The following MAST4 variants were observed in gnomAD, a reference collection of about 807,000 sequenced individuals.
MAST4 encodes microtubule-associated serine/threonine-protein kinase 4.
A neutral mutation model predicts 162.7 loss-of-function variants in MAST4; 89 were observed. The ratio of observed to expected loss-of-function variants is 0.55; its 90% CI spans 0.46 to 0.65. MAST4 has a LOEUF of 0.65. Among genes scored for constraint, MAST4 ranks in the 30% least tolerant of loss-of-function variants. The pLI is 0.00. For synonymous variants in MAST4, 1,479 were observed against 1,361.1 expected (o/e 1.09, Z -1.91); for missense variants, 3,153 against 3,374.0 (o/e 0.93, Z 1.62).
At chr5:66,932,346 A>C (rs1218683536) in intron 4 of MAST4, among the ~76,000 whole-genome samples, 1 of 152,178 alleles carries the variant, frequency 6.6e-6, no homozygotes, top group Non-Finnish European at 1.5e-5. Flanking sequence ...TAAGATGGCT[A>C]TTCCATAGAA....
At chr5:66,706,657 A>T (rs1750150893) in intron 1 of MAST4, among the ~76,000 whole-genome samples, 1 of 151,414 alleles carries the variant, frequency 6.6e-6, no homozygotes, top group Non-Finnish European at 1.5e-5. Flanking sequence ...CAAACTAATG[A>T]TTCATAAACA....
intron 5 of MAST4, among the ~76,000 whole-genome samples, chr5:67,084,512 G>A (rs1244257484): frequency 1.3e-5 from 2 of 152,128 alleles, no homozygotes; most frequent in Non-Finnish European, 2.9e-5. Context: ...AATTATTAAA[G>A]TAGAAAAAAA....
At chr5:67,124,854 AC>A (rs1462023751) in intron 14 of MAST4, among the ~76,000 whole-genome samples, 1 of 152,156 alleles carries the variant, frequency 6.6e-6, no homozygotes, top group Non-Finnish European at 1.5e-5. Flanking sequence ...CCACAGAGAG[AC>A]CCAGTGAGGA....
chr5:67,083,650 A>G (rs1441265721), intron 5 of MAST4, among the ~76,000 whole-genome samples: 3 of 152,174 alleles, frequency 2.0e-5, no homozygotes, highest in African/African-American at 7.2e-5. Flanking sequence ...ATTAGGTTAC[A>G]TTCTTTAACT....
rs1409397338 is a variant in MAST4 at position 66,986,471 on chromosome 5, A to G, written c.675-67933A>G. The stretch of plus-strand genomic sequence containing the variant: ...CTGTGTGTCCAAATGCTGGGAGAAC[A>G]TCACCCCTTGGATGAATTGCCACCA... On this transcript the variant is annotated intron_variant, in intron 4 of 28. Transcript: ENST00000403625. The G allele has an allele frequency of 1.9e-6, 3 of 1,573,412 alleles. No individual in the cohort carries two copies. The South Asian group carries it at 3.5e-5, about 18-fold the overall frequency.
At chr5:66,867,530 G>A (rs1333301520) in intron 3 of MAST4, among the ~76,000 whole-genome samples, 1 of 152,192 alleles carries the variant, frequency 6.6e-6, no homozygotes, top group African/African-American at 2.4e-5. Context: ...AAAGCATTTA[G>A]CATAGAGATG....
intron 1 of MAST4, among the ~76,000 whole-genome samples, chr5:66,689,683 T>C (rs367932032): frequency 2.0e-5 from 3 of 152,334 alleles, no homozygotes; most frequent in African/African-American, 7.2e-5. Flanking sequence ...AGAGTTTGTC[T>C]GTCCCCAGAG....
Position 66,678,089 on chromosome 5 carries a change from TC to T in MAST4, c.363+81072del, listed in dbSNP as rs374458335. On this transcript the variant is annotated intron_variant, in intron 1 of 28. Transcript: ENST00000403625. Reference sequence around the variant, plus strand: ...CAGGTGAGATTTTTAGGAAGATTTTTCTAATCTAATTTGCTGCAACATGGAT... The same window carrying T: ...CAGGTGAGATTTTTAGGAAGATTTTTTAATCTAATTTGCTGCAACATGGAT... Among the ~76,000 whole-genome samples, 29 of 152,260 alleles carry T rather than the reference TC, an allele frequency of 1.9e-4. 1 individual carries two copies. The East Asian group carries it at 5.4e-3, about 28-fold the overall frequency.
At chr5:67,144,580 C>A in intron 21 of MAST4, 89 bp from the exon 22 acceptor site, 1 of 1,324,346 alleles carries the variant, frequency 7.6e-7, no homozygotes, top group Non-Finnish European at 1.1e-6. Flanking sequence ...TTTAGTTATC[C>A]TCTCAGGTTT....
At chr5:66,696,502 T>C (rs1749411278) in intron 1 of MAST4, among the ~76,000 whole-genome samples, 1 of 152,176 alleles carries the variant, frequency 6.6e-6, no homozygotes, top group South Asian at 2.1e-4. Context: ...TTTTCCTGAA[T>C]ACTTCTGTCA....
intron 1 of MAST4, among the ~76,000 whole-genome samples, chr5:66,648,764 C>T (rs1006571089): frequency 5.3e-5 from 8 of 151,846 alleles, no homozygotes; most frequent in African/African-American, 1.9e-4. Flanking sequence ...TTTTAGTATG[C>T]GTGATTTACC....
chr5:67,100,494 G>T lies in MAST4; in HGVS notation c.972G>T (p.Glu324Asp). The T allele has an allele frequency of 1.2e-6, 2 of 1,613,866 alleles. No individual in the cohort carries two copies. The highest frequency in any genetic ancestry group is 1.7e-6 in the Non-Finnish European group (2 of 1,179,852). ...TACCATACCAACCAACACCAGACGA[G>T]TTACACTTCTTATCAAAACATTTCT... is the stretch of plus-strand genomic sequence containing the variant. ...HQLPYQPTPD[E>D]LHFLSKHFCT... The change falls in exon 8 of 29, where the codon GAG becomes GAT. Residue 324 changes from glutamate to aspartate, a missense_variant. By Grantham distance (45) the Glu-to-Asp change is conservative (BLOSUM62 2). Around this residue, in one of 7 missense-constraint regions of MAST4, gnomAD observed 360 missense variants for 450.0 expected, o/e 0.80. Coordinates refer to ENST00000403625, the MANE Select transcript of MAST4 (RefSeq NM_001164664.2).
chr5:67,132,426 A>G (rs1043872552), intron 16 of MAST4, among the ~76,000 whole-genome samples: 4 of 152,170 alleles, frequency 2.6e-5, no homozygotes, highest in East Asian at 1.9e-4. Flanking sequence ...TTTTTTTCAA[A>G]TGGTGCAAAT....
At chr5:67,090,271 AG>A (rs775098529) in intron 6 of MAST4, 40 bp downstream of exon 6, 14 of 1,500,220 alleles carry the variant, frequency 9.3e-6, no homozygotes, top group Non-Finnish European at 1.2e-5. Context: ...GGTCTTATAG[AG>A]AGAATCCCAT....
At chr5:67,122,894 A>G (rs1767753265) in intron 14 of MAST4, among the ~76,000 whole-genome samples, 1 of 152,228 alleles carries the variant, frequency 6.6e-6, no homozygotes, top group South Asian at 2.1e-4. Flanking sequence ...AGGCCAAGTC[A>G]TTAATGGACT....
chr5:66,964,672 G>A (rs1480976047), intron 4 of MAST4, among the ~76,000 whole-genome samples: 3 of 152,138 alleles, frequency 2.0e-5, no homozygotes, highest in Non-Finnish European at 2.9e-5. Flanking sequence ...GTGGTGGTGG[G>A]CGCCTTAGTC....
intron 3 of MAST4, among the ~76,000 whole-genome samples, chr5:66,883,894 C>T (rs1224186102): frequency 6.6e-6 from 1 of 152,078 alleles, no homozygotes; most frequent in Non-Finnish European, 1.5e-5. Flanking sequence ...GTAGCTCTTG[C>T]TTTTAGTCTT....
intron 1 of MAST4, among the ~76,000 whole-genome samples, chr5:66,692,766 C>G (rs974815948): frequency 1.3e-5 from 2 of 152,084 alleles, no homozygotes; most frequent in Non-Finnish European, 2.9e-5. Context: ...TGCTGACTTT[C>G]TTGCTATGTC....
chr5:66,612,434 G>A (rs1338610898), intron 1 of MAST4, among the ~76,000 whole-genome samples: 1 of 152,172 alleles, frequency 6.6e-6, no homozygotes, highest in African/African-American at 2.4e-5. Flanking sequence ...CTTGCTCTGG[G>A]GCTAGAGCTG....
Sources: gnomAD v4.1 joint callset for allele counts (sites outside exome capture counted in the v4.1 genomes callset) on GRCh38, gnomAD v4.1.1 for gene constraint, gnomAD v4.1.1 regional missense constraint, MANE v1.5 for transcripts, NCBI Gene and HGNC (gene_info 2026-07-23, HGNC 2026-07-21) for gene names.